ANTXR1: variants seen among roughly 807,000 people sequenced by gnomAD.
The protein encoded by ANTXR1 is anthrax toxin receptor 1.
A neutral mutation model predicts 78.1 loss-of-function variants in ANTXR1; 19 were observed. That is an observed-to-expected ratio of 0.24 (90% confidence interval 0.17 to 0.36). ANTXR1 has a LOEUF of 0.36. ANTXR1 is among the 10% of genes least tolerant of loss of function. ANTXR1 has a pLI of 1.00. For missense variants in ANTXR1, 518 were observed against 718.6 expected, an observed-to-expected ratio of 0.72 and a Z score of 3.19; for synonymous variants, 273 against 260.5, an observed-to-expected ratio of 1.05 and a Z score of -0.46.
At chr2:69,180,090 C>T (rs983914647) in intron 14 of ANTXR1, among the ~76,000 whole-genome samples, 1 of 152,208 alleles carries the variant, frequency 6.6e-6, no homozygotes, top group Admixed American at 6.5e-5. Context: ...AAGAAGACTG[C>T]CCATCCCAAG....
chr2:69,193,305 T>G, intron 16 of ANTXR1, 30 bp from the exon 17 acceptor site: 2 of 1,609,820 alleles, frequency 1.2e-6, no homozygotes, highest in African/African-American at 1.3e-5. Context: ...TGGTTTCATA[T>G]GTAATCTTGG....
At position 69,207,054 on chromosome 2, in the gene ANTXR1, C is replaced by T. The variant is rs1304492612; in HGVS notation, c.1434+13639C>T. Among the ~76,000 whole-genome samples the T allele has an allele frequency of 3.9e-5, 6 of 152,174 alleles. 1 individual carries two copies. The highest frequency in any genetic ancestry group is 4.1e-4 in the South Asian group (2 of 4,832). ...TGCTGTGTTTTCAAATTTCTGTAGA[C>T]GCCAATGCTGTAATGAATGTTCTGA... On this transcript the variant is annotated intron_variant, in intron 17 of 17. Transcript: ENST00000303714.
intron 9 of ANTXR1, among the ~76,000 whole-genome samples, chr2:69,098,758 G>A (rs893090280): frequency 1.3e-5 from 2 of 152,192 alleles, no homozygotes; most frequent in Non-Finnish European, 1.5e-5. Context: ...GTCTGAGGCA[G>A]GTGGATCACT....
At chr2:69,086,447 C>G (rs1671053088) in intron 8 of ANTXR1, among the ~76,000 whole-genome samples, 2 of 152,212 alleles carry the variant, frequency 1.3e-5, no homozygotes, top group Non-Finnish European at 2.9e-5. Flanking sequence ...TACTCGTCCT[C>G]CCACCAATAA....
chr2:69,217,839 C>T (rs946514103), intron 17 of ANTXR1, among the ~76,000 whole-genome samples: 7 of 152,046 alleles, frequency 4.6e-5, no homozygotes, highest in Admixed American at 6.5e-5. Flanking sequence ...CTGTAGAGCT[C>T]GAATTTCATG....
intron 17 of ANTXR1, among the ~76,000 whole-genome samples, chr2:69,201,450 G>A (rs1487187305): frequency 6.6e-6 from 1 of 152,172 alleles, no homozygotes; most frequent in East Asian, 1.9e-4. Context: ...GTGGGAGCCT[G>A]CTCTGCCAGC....
chr2:69,215,988 C>T (rs1675164393), intron 17 of ANTXR1, among the ~76,000 whole-genome samples: 1 of 152,138 alleles, frequency 6.6e-6, no homozygotes, highest in Non-Finnish European at 1.5e-5. Flanking sequence ...GGAACACTGT[C>T]AGGGGCCTGA....
intron 9 of ANTXR1, among the ~76,000 whole-genome samples, chr2:69,098,152 G>A (rs1022740132): frequency 6.6e-6 from 1 of 152,124 alleles, no homozygotes; most frequent in African/African-American, 2.4e-5. Flanking sequence ...TGACAGCTAC[G>A]CTCACTGTCT....
chr2:69,159,053 G>C (rs1013519566), intron 13 of ANTXR1, among the ~76,000 whole-genome samples: 8 of 152,116 alleles, frequency 5.3e-5, no homozygotes, highest in Non-Finnish European at 8.8e-5. Context: ...GGAGCCCACA[G>C]ACCTATGGAA....
intron 9 of ANTXR1, among the ~76,000 whole-genome samples, chr2:69,097,494 T>A (rs62133507): frequency 0.076 from 11,601 of 152,302 alleles, 583 homozygotes; most frequent in East Asian, 0.23. Context: ...CAGATAGTGG[T>A]GTATTCCTCT....
At chr2:69,179,681 T>C (rs1404785989) in intron 14 of ANTXR1, among the ~76,000 whole-genome samples, 1 of 152,218 alleles carries the variant, frequency 6.6e-6, no homozygotes, top group Non-Finnish European at 1.5e-5. Flanking sequence ...TGAGGTTGCA[T>C]GAGTTCAAAT....
rs769874270 is a variant in ANTXR1 at position 69,245,296 on chromosome 2, C to T, written c.1506C>T (p.His502=). ...PAKYPLNNAY[H]TSSPPPAPIY... is the part of the protein sequence containing the mutation. ...AGTACCCACTCAACAACGCCTACCA[C>T]ACCTCCTCGCCGCCTCCTGCCCCCA... Residue 502 remains histidine, a synonymous_variant, in exon 18 of 18, where the codon CAC becomes CAT. Coordinates refer to ENST00000303714, the MANE Select transcript of ANTXR1 (RefSeq NM_032208.3). 20 of 1,612,712 alleles carry T rather than the reference C, an allele frequency of 1.2e-5. No individual in the cohort carries two copies. The highest frequency in any genetic ancestry group is 1.7e-5 in the Non-Finnish European group (20 of 1,179,568).
chr2:69,168,447 C>A (rs1157890117), intron 13 of ANTXR1, among the ~76,000 whole-genome samples: 1 of 152,194 alleles, frequency 6.6e-6, no homozygotes, highest in Admixed American at 6.5e-5. Flanking sequence ...CATATAACAT[C>A]TATGCTGTGC....
intron 10 of ANTXR1, among the ~76,000 whole-genome samples, chr2:69,120,501 T>TA (rs1161607053): frequency 3.3e-5 from 5 of 151,902 alleles, no homozygotes; most frequent in Non-Finnish European, 7.4e-5. Flanking sequence ...CCATCTGTAC[T>TA]AAAAAAATAT....
At chr2:69,245,130 T>C in intron 17 of ANTXR1, 95 bp from the exon 18 acceptor site, 2 of 1,464,188 alleles carry the variant, frequency 1.4e-6, no homozygotes, top group South Asian at 1.1e-5. Flanking sequence ...AGGGGCCAGC[T>C]TTCCACATAT....
At chr2:69,191,429 T>TAAA (rs1156850502) in intron 16 of ANTXR1, among the ~76,000 whole-genome samples, 5 of 152,196 alleles carry the variant, frequency 3.3e-5, no homozygotes, top group Admixed American at 2.0e-4. Flanking sequence ...ACTTAAACTC[T>TAAA]TTAGACTCCT....
chr2:69,216,672 C>G (rs1426112018), intron 17 of ANTXR1, among the ~76,000 whole-genome samples: 1 of 152,206 alleles, frequency 6.6e-6, no homozygotes, highest in South Asian at 2.1e-4. Flanking sequence ...CTAGACCCTA[C>G]TGCTCCCTCC....
At chr2:69,034,321 T>C (rs1306996700) in intron 1 of ANTXR1, among the ~76,000 whole-genome samples, 3 of 152,186 alleles carry the variant, frequency 2.0e-5, no homozygotes, top group Admixed American at 6.5e-5. Flanking sequence ...TGGGAGGACA[T>C]TGACTCTGGT....
chr2:69,191,650 A>G lies in ANTXR1; in HGVS notation c.1354-1685A>G, dbSNP rs575782410. On this transcript the variant is annotated intron_variant, in intron 16 of 17. Coordinates refer to ENST00000303714, the MANE Select transcript of ANTXR1 (RefSeq NM_032208.3). The stretch of plus-strand genomic sequence containing the variant: ...CAATTACTATTTTCTCTTCTATTCT[A>G]TTTCTTAAAAGTTCTGGTCCCATAC... 2.0e-5 allele frequency among the ~76,000 whole-genome samples: 3 copies of G among 152,226 alleles called. No individual in the cohort carries two copies. The East Asian group carries it at 5.8e-4, about 29-fold the overall frequency.
Sources: allele counts gnomAD v4.1 joint callset (sites outside exome capture counted in the v4.1 genomes callset), GRCh38; gene constraint gnomAD v4.1.1; transcripts MANE v1.5; gene names NCBI Gene and HGNC (gene_info 2026-07-23, HGNC 2026-07-21).